MAMLD1: variants seen among roughly 807,000 people sequenced by gnomAD.
MAMLD1 encodes the protein mastermind like domain containing 1.
MAMLD1 carries 14 observed loss-of-function variants against 45.0 expected under a neutral mutation model. The ratio of observed to expected loss-of-function variants is 0.31; its 90% CI spans 0.21 to 0.49. The LOEUF is 0.49. Ranked by LOEUF, MAMLD1 falls within the 20% of genes least tolerant of loss-of-function variation. The probability of loss-of-function intolerance (pLI) is 0.99; values close to 1 mark genes in which losing one functional copy is unlikely to be tolerated. For synonymous variants in MAMLD1, 254 were observed against 247.8 expected (o/e 1.02, Z -0.24); for missense variants, 543 against 603.6 (o/e 0.90, Z 1.05).
intron 1 of MAMLD1, among the ~76,000 whole-genome samples, chrX:150,403,878 G>GAA (rs2033885605): frequency 1.5e-5 from 1 of 67,872 alleles, no homozygotes; most frequent in African/African-American, 4.9e-5. Flanking sequence ...AAGAAAGAAA[G>GAA]GAAAGAAAGA....
rs1238141861 is a variant in MAMLD1, at chrX:150,513,518, A to G, written c.*1559A>G. Reference sequence around the variant, plus strand: ...ACCAAGAGTTGTTGTGCAAGTTGACAAATGCCAAATAGAAAACCACTTGGC... The same window carrying G: ...ACCAAGAGTTGTTGTGCAAGTTGACGAATGCCAAATAGAAAACCACTTGGC... On this transcript the variant is annotated 3_prime_UTR_variant, in exon 8 of 8. Transcript: ENST00000370401. 1.7e-5 allele frequency: 5 copies of G among 293,423 alleles called. No homozygotes were observed. The highest frequency in any genetic ancestry group is 3.0e-5 in the Non-Finnish European group (5 of 168,684). The allele number at this position is 293,423 out of a possible 1,213,427, so 24.2% of individuals were successfully genotyped here.
intron 1 of MAMLD1, among the ~76,000 whole-genome samples, chrX:150,398,331 A>AGAG (rs1569564618): frequency 1.0e-4 from 7 of 67,008 alleles, no homozygotes; most frequent in African/African-American, 2.3e-4. Flanking sequence ...AAGAAGAAGA[A>AGAG]GAAGAAGAAG....
At chrX:150,509,585 C>T in intron 6 of MAMLD1, 2 of 212,466 alleles carry the variant, frequency 9.4e-6, no homozygotes, top group South Asian at 1.4e-4. Context: ...CTTCTACATA[C>T]TCTGCTTCTA....
chrX:150,407,658 A>G (rs2034029627), intron 1 of MAMLD1, among the ~76,000 whole-genome samples: 1 of 111,960 alleles, frequency 8.9e-6, no homozygotes, highest in East Asian at 2.8e-4. Context: ...AGCACAACCA[A>G]GGAGCTTAGG....
chrX:150,471,218 G>A lies in MAMLD1; in HGVS notation c.1645G>A (p.Val549Ile), dbSNP rs2148301507. The A allele has an allele frequency of 8.3e-7, 1 of 1,211,867 alleles. No individual in the cohort carries two copies. The highest frequency in any genetic ancestry group is 1.1e-6 in the Non-Finnish European group (1 of 895,556). The stretch of plus-strand genomic sequence containing the variant: ...CAACACCAAGCCCTTGTCCCATTTT[G>A]TTTCTGAGCCGGGTCCCCAGAAGAT... ...FGNTKPLSHF[V>I]SEPGPQKMPS... The change falls in exon 4 of 8, where the codon GTT (valine) becomes ATT (isoleucine). Residue 549 changes from valine (V) to isoleucine (I), a missense_variant. Physicochemically the swap from Val to Ile is conservative, Grantham distance 29. Coordinates refer to ENST00000370401, the MANE Select transcript of MAMLD1 (RefSeq NM_005491.5).
intron 1 of MAMLD1, among the ~76,000 whole-genome samples, chrX:150,427,072 A>G (rs1359796700): frequency 7.2e-5 from 8 of 111,141 alleles, no homozygotes; most frequent in Non-Finnish European, 1.5e-4. Flanking sequence ...TCCAATCTTT[A>G]CATAGTGTTC....
At chrX:150,461,302 G>C (rs34750230) in intron 2 of MAMLD1, among the ~76,000 whole-genome samples, 2,315 of 112,806 alleles carry the variant, frequency 0.021, 69 homozygotes, top group African/African-American at 0.07. Context: ...GGGCAGCCTA[G>C]AGATATTTAC....
At chrX:150,492,182 T>C (rs1214824102) in intron 5 of MAMLD1, among the ~76,000 whole-genome samples, 6 of 112,664 alleles carry the variant, frequency 5.3e-5, no homozygotes, top group Admixed American at 1.9e-4. Context: ...CCCGTTCTAA[T>C]GTGGGCTTCC....
chrX:150,366,810 G>C lies in MAMLD1; in HGVS notation c.-64+3280G>C, dbSNP rs142952141. ...AGTGTTTCTTTCAGTACTGAAGTAA[G>C]AATGTTGCTCAAAGTGGAACTTGGG... On this transcript the variant is annotated intron_variant, in intron 1 of 7. Transcript: ENST00000370401. 9.1e-4 allele frequency among the ~76,000 whole-genome samples: 101 copies of C among 111,334 alleles called. No individual in the cohort carries two copies. In the South Asian group the frequency reaches 0.014, roughly 15 times the overall value.
intron 5 of MAMLD1, among the ~76,000 whole-genome samples, chrX:150,502,240 C>T (rs1408535038): frequency 8.9e-6 from 1 of 112,863 alleles, no homozygotes; most frequent in Non-Finnish European, 1.9e-5. Context: ...GTGATTCCAA[C>T]TATGTAGCTT....
At chrX:150,506,574 C>T (rs1476157654) in intron 6 of MAMLD1, among the ~76,000 whole-genome samples, 7 of 112,249 alleles carry the variant, frequency 6.2e-5, no homozygotes, top group Admixed American at 3.8e-4. Flanking sequence ...AATCCAGGAA[C>T]ATTTTGTGGG....
chrX:150,499,586 T>A (rs1223671677), intron 5 of MAMLD1, among the ~76,000 whole-genome samples: 2 of 111,398 alleles, frequency 1.8e-5, no homozygotes, highest in Admixed American at 1.9e-4. Flanking sequence ...ACCTGACTGC[T>A]CCTCGCCATG....
chrX:150,365,213 G>T (rs1031482598), intron 1 of MAMLD1, among the ~76,000 whole-genome samples: 3 of 111,690 alleles, frequency 2.7e-5, no homozygotes, highest in African/African-American at 9.8e-5. Context: ...GAGGCAGAGG[G>T]CGGGGGCGGC....
At position 150,509,918 on chromosome X, in the gene MAMLD1, A is replaced by G. The variant is rs782477244; in HGVS notation, c.2285-44A>G. ...GCAGCGATCCTAAGGCTAATTATTA[A>G]TTGGTAGCTGTAATCTAATTTGTCT... On this transcript the variant is annotated intron_variant, in intron 6 of 7. Coordinates refer to ENST00000370401, the MANE Select transcript of MAMLD1 (RefSeq NM_005491.5). The G allele has an allele frequency of 8.4e-6, 8 of 954,278 alleles. No homozygotes were observed. In the South Asian group the frequency reaches 1.5e-4, roughly 18 times the overall value. 78.6% of individuals were successfully genotyped at this position (954,278 alleles called of 1,213,427 possible). A position where few individuals can be genotyped will look rare whatever the true frequency, so the allele number is the denominator to read the frequency against.
At chrX:150,424,745 C>A (rs181518662) in intron 1 of MAMLD1, among the ~76,000 whole-genome samples, 19 of 112,440 alleles carry the variant, frequency 1.7e-4, no homozygotes, top group Admixed American at 1.1e-3. Flanking sequence ...AGATATAATT[C>A]ATATACCATT....
chrX:150,415,645 C>G (rs1427266815), intron 1 of MAMLD1, among the ~76,000 whole-genome samples: 1 of 112,077 alleles, frequency 8.9e-6, no homozygotes, highest in African/African-American at 3.2e-5. Flanking sequence ...CGGAGTGTTT[C>G]TGAATTGATA....
intron 6 of MAMLD1, chrX:150,509,578 C>T (rs2037840883): frequency 4.9e-6 from 1 of 203,327 alleles, no homozygotes; most frequent in Admixed American, 6.7e-5. Context: ...CTCCCTCCTT[C>T]TACATACTCT....
chrX:150,373,807 C>G (rs1221491778), intron 1 of MAMLD1, among the ~76,000 whole-genome samples: 2 of 111,900 alleles, frequency 1.8e-5, no homozygotes, highest in Admixed American at 1.9e-4. Context: ...GAGCCTCTAA[C>G]TTGAATTAAA....
chrX:150,382,880 A>ATTTATTTT (rs2032690629), intron 1 of MAMLD1, among the ~76,000 whole-genome samples: 1 of 31,405 alleles, frequency 3.2e-5, no homozygotes, highest in African/African-American at 2.8e-4. Flanking sequence ...GTCCCATTTT[A>ATTTATTTT]TTTTATTTTT....
Sources: allele counts gnomAD v4.1 joint callset (sites outside exome capture counted in the v4.1 genomes callset), GRCh38; gene constraint gnomAD v4.1.1; transcripts MANE v1.5; gene names NCBI Gene and HGNC (gene_info 2026-07-23, HGNC 2026-07-21).